GALC: variants seen among roughly 807,000 people sequenced by gnomAD.
GALC encodes the protein galactocerebrosidase.
A neutral mutation model predicts 91.8 loss-of-function variants in GALC; 77 were observed. The observed-to-expected ratio is 0.84, with a 90% CI of 0.70 to 1.01. The LOEUF is 1.01. GALC is among the 50% of genes least tolerant of loss of function. The probability of loss-of-function intolerance (pLI) is 0.00; values close to 1 mark genes in which losing one functional copy is unlikely to be tolerated. For synonymous variants in GALC, 357 were observed against 306.7 expected, an observed-to-expected ratio of 1.16 and a Z score of -1.71; for missense variants, 882 against 855.9, an observed-to-expected ratio of 1.03 and a Z score of -0.38.
chr14:87,965,366 A>AAGTTAC (rs1337541923), intron 9 of GALC, 139 bp downstream of exon 9: 1 of 894,858 alleles, frequency 1.1e-6, no homozygotes, highest in Non-Finnish European at 1.8e-6. Context: ...CTTATAAAAC[A>AAGTTAC]CTGGCAAATC....
chr14:87,968,932 A>C (rs1345199711), intron 7 of GALC, among the ~76,000 whole-genome samples: 3 of 152,150 alleles, frequency 2.0e-5, no homozygotes, highest in African/African-American at 4.8e-5. Flanking sequence ...AGTGAGGAGG[A>C]GGCCAAAAAT....
intron 10 of GALC, among the ~76,000 whole-genome samples, chr14:87,958,011 C>T (rs4294746): frequency 6.6e-6 from 1 of 151,882 alleles, no homozygotes; most frequent in African/African-American, 2.4e-5. Flanking sequence ...AAAAACAATC[C>T]TAAAATTCAT....
intron 6 of GALC, among the ~76,000 whole-genome samples, chr14:87,978,248 TC>T (rs1436664703): frequency 6.6e-6 from 1 of 152,106 alleles, no homozygotes; most frequent in Non-Finnish European, 1.5e-5. Context: ...ACAGGGTTTC[TC>T]CATGTTGGTC....
rs2285010 is a variant in GALC at position 87,943,583 on chromosome 14, C to T, written c.1670+1970G>A. ...TCAGTCACACAGACCCGGCTTCTAG[C>T]CCTTGTTCTGCCACTTACAAGTGAA... On this transcript the variant is annotated intron_variant, in intron 14 of 16. Transcript: ENST00000261304. Among the ~76,000 whole-genome samples, 808 of 152,090 alleles carry T rather than the reference C, an allele frequency of 5.3e-3. 51 individuals carry two copies. In the East Asian group the frequency reaches 0.12, roughly 23 times the overall value.
chr14:87,984,298 TA>T, intron 5 of GALC, 95 bp downstream of exon 5: 1 of 1,237,822 alleles, frequency 8.1e-7, no homozygotes, highest in Non-Finnish European at 1.1e-6. Flanking sequence ...CCTCATGGCA[TA>T]AAATGGTTAG....
chr14:87,985,039 CA>C (rs1457813891), intron 4 of GALC, among the ~76,000 whole-genome samples: 2 of 152,142 alleles, frequency 1.3e-5, no homozygotes, highest in African/African-American at 2.4e-5. Context: ...TCTAATTTAG[CA>C]AAACTAGTTT....
intron 1 of GALC, among the ~76,000 whole-genome samples, chr14:87,989,877 C>A (rs960780569): frequency 1.3e-5 from 2 of 152,196 alleles, no homozygotes; most frequent in Non-Finnish European, 2.9e-5. Flanking sequence ...GCACCCAAAT[C>A]CCTTAATTAT....
chr14:87,984,104 G>C (rs1886863015), intron 5 of GALC, among the ~76,000 whole-genome samples: 1 of 139,742 alleles, frequency 7.2e-6, no homozygotes, highest in Non-Finnish European at 1.5e-5. Flanking sequence ...AGCAGGGAAA[G>C]CTTTGAAGGA....
intron 7 of GALC, among the ~76,000 whole-genome samples, chr14:87,968,769 C>A (rs769142880): frequency 7.2e-5 from 11 of 152,114 alleles, no homozygotes; most frequent in African/African-American, 1.2e-4. Flanking sequence ...AAATTTCAAT[C>A]TATTTCTGGA....
At chr14:87,940,003 C>A (rs778781853) in intron 15 of GALC, 22 bp from the exon 16 acceptor site, 1 of 1,558,188 alleles carries the variant, frequency 6.4e-7, no homozygotes, top group Non-Finnish European at 8.8e-7. Context: ...AAATATTATC[C>A]CAATAGATAT....
At chr14:87,987,162 T>C (rs1280212294) in intron 3 of GALC, 4 of 415,226 alleles carry the variant, frequency 9.6e-6, no homozygotes, top group African/African-American at 8.3e-5. Flanking sequence ...AGAGGTTACA[T>C]TGTCTTAGCA....
chr14:87,950,040 T>A, intron 11 of GALC, 109 bp from the exon 12 acceptor site: 1 of 656,586 alleles, frequency 1.5e-6, no homozygotes, highest in Non-Finnish European at 2.8e-6. Flanking sequence ...TTATCTCTAT[T>A]TATCAAGAGA....
At chr14:87,935,931 C>T (rs1455604975) in intron 16 of GALC, among the ~76,000 whole-genome samples, 1 of 152,056 alleles carries the variant, frequency 6.6e-6, no homozygotes, top group East Asian at 1.9e-4. Flanking sequence ...CAGACTTGCA[C>T]AGCTATCTTC....
rs905920175 is a variant in GALC at position 87,954,602 on chromosome 14, C to A, written c.1162-3854G>T. 1.1e-5 allele frequency: 17 copies of A among 1,589,282 alleles called. No homozygotes were observed. The African/African-American group carries it at 2.2e-4, about 20-fold the overall frequency. On this transcript the variant is annotated intron_variant, in intron 10 of 16. Transcript: ENST00000261304. ...TAAAGCAAAATTTCAAAAAAGTGCA[C>A]CTTCCTTTTGGAAGATATCAGACTT...
chr14:87,949,071 A>G (rs1885197849), intron 12 of GALC, among the ~76,000 whole-genome samples: 1 of 152,024 alleles, frequency 6.6e-6, no homozygotes, highest in South Asian at 2.1e-4. Flanking sequence ...AGGTAAGCAC[A>G]TGGCCCTAGG....
In GALC at chr14:87,988,175, T is replaced by C; in HGVS notation, c.297A>G (p.Lys99=). Residue 99 remains lysine, a synonymous_variant, in exon 3 of 17, where the codon AAA becomes AAG. Coordinates refer to ENST00000261304, the MANE Select transcript of GALC (RefSeq NM_000153.4). ...TCTGCCCATCACCACCTATTTCCAC[T>C]TTTAAAATATGCAAAGAGGCACCAA... ...PNFGASLHIL[K]VEIGGDGQTT... 1.9e-6 allele frequency: 3 copies of C among 1,613,770 alleles called. No homozygotes were observed. Among genetic ancestry groups the C allele is most frequent in the Non-Finnish European group, 1.7e-6 (2 of 1,179,824 alleles).
In GALC at chr14:87,984,547, G is replaced by A; in HGVS notation, c.443-14C>T. On this transcript the variant is annotated splice_polypyrimidine_tract_variant and intron_variant, in intron 4 of 16. Transcript: ENST00000261304. ...ACCATGGCAACCCTGCAGAGAGAAG[G>A]GAGGAGGCAAAGGTAGAGGAGGTAT... 1 of 1,614,028 alleles carries A rather than the reference G, an allele frequency of 6.2e-7. No individual in the cohort carries two copies. The highest frequency in any genetic ancestry group is 8.5e-7 in the Non-Finnish European group (1 of 1,179,958).
chr14:87,985,949 C>T (rs995134027), intron 4 of GALC, among the ~76,000 whole-genome samples: 2 of 152,198 alleles, frequency 1.3e-5, no homozygotes, highest in African/African-American at 2.4e-5. Flanking sequence ...GTAACCAGCA[C>T]ATTATTGAAG....
chr14:87,959,856 C>T (rs915258599), intron 10 of GALC: 3 of 151,804 alleles, frequency 2.0e-5, no homozygotes, highest in African/African-American at 7.3e-5. Context: ...ACACTATTTA[C>T]AATAGCCAAG....
Sources: gnomAD v4.1 joint callset for allele counts (sites outside exome capture counted in the v4.1 genomes callset) on GRCh38, gnomAD v4.1.1 for gene constraint, MANE v1.5 for transcripts, NCBI Gene and HGNC (gene_info 2026-07-23, HGNC 2026-07-21) for gene names.